Variants in LAMC3 observed in about 807,000 individuals in gnomAD.
LAMC3 encodes laminin subunit gamma-3.
LAMC3 carries 128 observed loss-of-function variants against 173.8 expected under a neutral mutation model. That is an observed-to-expected ratio of 0.74 (90% CI 0.64 to 0.85). The LOEUF (loss-of-function observed/expected upper bound fraction) is 0.85. Among genes scored for constraint, LAMC3 ranks in the 40% least tolerant of loss-of-function variants. The pLI is 0.00. For missense variants in LAMC3, 2,022 were observed against 2,156.0 expected (o/e 0.94, Z 1.23); for synonymous variants, 897 against 909.1 (o/e 0.99, Z 0.24).
rs974426391 is a variant in LAMC3, at chr9:131,069,200, T to G, written c.2890+150T>G. 58 of 914,618 alleles carry G rather than the reference T, an allele frequency of 6.3e-5. No individual in the cohort carries two copies. In the Admixed American group the frequency reaches 1.2e-3, roughly 20 times the overall value. 56.7% of individuals were successfully genotyped at this position (914,618 alleles called of 1,614,324 possible). Reference sequence around the variant, plus strand: ...AGAGCAGCCGGAAGCATGGAGCGAGTTGCTCCCGTGGCAGTGGCCGGGACA... The same window carrying G: ...AGAGCAGCCGGAAGCATGGAGCGAGGTGCTCCCGTGGCAGTGGCCGGGACA... On this transcript the variant is annotated intron_variant, in intron 16 of 27. Coordinates refer to ENST00000361069, the MANE Select transcript of LAMC3 (RefSeq NM_006059.4).
At chr9:131,071,749 T>C (rs1564386397) in intron 18 of LAMC3, 124 bp downstream of exon 18, 3 of 927,420 alleles carry the variant, frequency 3.2e-6, no homozygotes. Context: ...GGCCTTTACT[T>C]CCCTAGCCCA....
intron 12 of LAMC3, among the ~76,000 whole-genome samples, chr9:131,058,478 T>C (rs963989464): frequency 2.0e-5 from 3 of 151,606 alleles, no homozygotes; most frequent in Non-Finnish European, 2.9e-5. Flanking sequence ...AGGAGGCACC[T>C]GAGAAGGCTG....
rs758912584 is a variant in LAMC3, at chr9:131,079,083, C to A, written c.3778-66C>A. 3.2e-6 allele frequency: 5 copies of A among 1,571,274 alleles called. No individual in the cohort carries two copies. In the African/African-American group the frequency reaches 5.4e-5, roughly 17 times the overall value. On this transcript the variant is annotated intron_variant, in intron 22 of 27. Coordinates refer to ENST00000361069, the MANE Select transcript of LAMC3 (RefSeq NM_006059.4). ...CCTCAGCCCAGCAGGGCACCTCCCC[C>A]AAGGAGAGGATCCGCTGCTTGCCCT...
intron 21 of LAMC3, 51 bp downstream of exon 21, chr9:131,076,016 C>T (rs778838869): frequency 2.0e-6 from 3 of 1,536,784 alleles, no homozygotes; most frequent in African/African-American, 1.4e-5. Context: ...CCTCCTGGAG[C>T]CAACAGGGCC....
chr9:131,031,208 G>A (rs1833816900), intron 2 of LAMC3, among the ~76,000 whole-genome samples: 1 of 152,272 alleles, frequency 6.6e-6, no homozygotes, highest in South Asian at 2.1e-4. Flanking sequence ...TAAAGCAGGG[G>A]CTCCTGGGCG....
chr9:131,021,989 A>G (rs1363548981), intron 1 of LAMC3, among the ~76,000 whole-genome samples: 1 of 152,172 alleles, frequency 6.6e-6, no homozygotes, highest in Non-Finnish European at 1.5e-5. Context: ...CCCTGTCCTC[A>G]GGTTTTCATG....
intron 24 of LAMC3, among the ~76,000 whole-genome samples, chr9:131,083,930 A>G (rs1024242280): frequency 1.6e-5 from 2 of 123,874 alleles, no homozygotes; most frequent in Non-Finnish European, 3.1e-5. Context: ...GCTGGAGTAC[A>G]GTGGCATGAT....
chr9:131,055,423 CTTTT>C (rs56220728), intron 11 of LAMC3, among the ~76,000 whole-genome samples: 1 of 109,210 alleles, frequency 9.2e-6, no homozygotes, highest in Non-Finnish European at 1.8e-5. Flanking sequence ...TCTTTTCTTT[CTTTT>C]TTTTTTTTTT....
chr9:131,014,195 C>T (rs1041074046), intron 1 of LAMC3, among the ~76,000 whole-genome samples: 8 of 152,376 alleles, frequency 5.3e-5, no homozygotes, highest in African/African-American at 1.9e-4. Context: ...ATGGCCTCTG[C>T]ATCATCCCTG....
At chr9:131,016,014 G>A (rs1833513555) in intron 1 of LAMC3, among the ~76,000 whole-genome samples, 2 of 152,198 alleles carry the variant, frequency 1.3e-5, no homozygotes, top group African/African-American at 4.8e-5. Context: ...CCACCGAGGG[G>A]TGAATGATGA....
chr9:131,058,261 G>C (rs7851803), intron 12 of LAMC3, among the ~76,000 whole-genome samples: 1 of 152,058 alleles, frequency 6.6e-6, no homozygotes, highest in Admixed American at 6.6e-5. Flanking sequence ...GATTACAGAC[G>C]CCTGTCACCA....
chr9:131,048,801 G>A (rs575806797), intron 8 of LAMC3, among the ~76,000 whole-genome samples: 1 of 152,076 alleles, frequency 6.6e-6, no homozygotes, highest in South Asian at 2.1e-4. Context: ...CCCCCATGTG[G>A]GGGTCTTCAG....
rs373626730 is a variant in LAMC3, at chr9:131,077,263, T to C, written c.3706T>C (p.Leu1236=). The change falls in exon 22 of 28, where the codon TTG becomes CTG. Residue 1236 remains leucine, a synonymous_variant. Transcript: ENST00000361069. ...GGTGCTGCCTGAAGCGGAAAGCGTG[T>C]TGGCCACCGTGCAGCAAGTTGGCGC... ...AEVLPEAESV[L]ATVQQVGADT... 4 of 1,613,952 alleles carry C rather than the reference T, an allele frequency of 2.5e-6. No individual in the cohort carries two copies. The African/African-American group carries it at 5.3e-5, about 22-fold the overall frequency.
chr9:131,057,175 G>C, intron 12 of LAMC3, 28 bp downstream of exon 12: 1 of 1,594,290 alleles, frequency 6.3e-7, no homozygotes, highest in Non-Finnish European at 8.6e-7. Flanking sequence ...CCATCCGAAG[G>C]CACCTGGGTT....
In LAMC3 at chr9:131,093,366, GC is replaced by G; in HGVS notation, c.*1581del. 6.6e-6 allele frequency: 1 copy of G among 152,092 alleles called. No individual in the cohort carries two copies. Among genetic ancestry groups the G allele is most frequent in the East Asian group, 1.9e-4 (1 of 5,140 alleles). 9.4% of individuals were successfully genotyped at this position (152,092 alleles called of 1,614,324 possible). ...GGTTCAGGCTCGAGACGAACTCACA[GC>G]CAAGTGTCCGAGGATGGTGAGGAGC... On this transcript the variant is annotated 3_prime_UTR_variant, in exon 28 of 28. Transcript: ENST00000361069.
In LAMC3 at chr9:131,048,047, A is replaced by ATTTTTT. The variant is rs59291636; in HGVS notation, c.1520-951_1520-946dup. The stretch of plus-strand genomic sequence containing the variant: ...AGGTGTGAGCCACCACACCCAGCTG[A>ATTTTTT]TTTTTTTTTTTTTTTTTTTTTTTTT... On this transcript the variant is annotated intron_variant, in intron 8 of 27. Transcript: ENST00000361069. 1.1e-4 allele frequency among the ~76,000 whole-genome samples: 6 copies of ATTTTTT among 53,394 alleles called. 2 individuals carry two copies. Among genetic ancestry groups the ATTTTTT allele is most frequent in the African/African-American group, 5.4e-4 (6 of 11,100 alleles). The allele number at this position is 53,394 out of a possible 152,430, so 35.0% of individuals were successfully genotyped here.
At chr9:131,049,804 T>C (rs1834245711) in intron 9 of LAMC3, among the ~76,000 whole-genome samples, 1 of 152,222 alleles carries the variant, frequency 6.6e-6, no homozygotes, top group South Asian at 2.1e-4. Flanking sequence ...CATGGCATTC[T>C]TGCAAAAGGA....
Position 131,049,574 on chromosome 9 carries a change from A to G in LAMC3, c.1630+444A>G, listed in dbSNP as rs563731327. 1.8e-4 allele frequency among the ~76,000 whole-genome samples: 27 copies of G among 152,294 alleles called. 1 individual carries two copies. Among genetic ancestry groups the G allele is most frequent in the Admixed American group, 6.5e-5 (1 of 15,296 alleles). ...AATGTCCCCTGCCACAGAACACACC[A>G]TATTTATGGATTCCAGGGATTAGAA... On this transcript the variant is annotated intron_variant, in intron 9 of 27. Transcript: ENST00000361069.
chr9:131,021,603 G>A (rs533270491), intron 1 of LAMC3, among the ~76,000 whole-genome samples: 3 of 152,238 alleles, frequency 2.0e-5, no homozygotes, highest in East Asian at 1.9e-4. Context: ...AACAAGCAGC[G>A]GTACCAGCTG....
Sources: allele counts gnomAD v4.1 joint callset (sites outside exome capture counted in the v4.1 genomes callset), GRCh38; gene constraint gnomAD v4.1.1; transcripts MANE v1.5; gene names NCBI Gene and HGNC (gene_info 2026-07-23, HGNC 2026-07-21).